CCDC141: variants seen among roughly 807,000 people sequenced by gnomAD.
CCDC141 encodes coiled-coil domain-containing protein 141.
A neutral mutation model predicts 181.0 loss-of-function variants in CCDC141; 168 were observed. The ratio of observed to expected loss-of-function variants is 0.93; its 90% CI spans 0.82 to 1.05. CCDC141 has a LOEUF of 1.05. CCDC141 is among the 50% of genes least tolerant of loss of function. The pLI is 0.00. For synonymous variants in CCDC141, 666 were observed against 642.3 expected (o/e 1.04, Z -0.56); for missense variants, 1,902 against 1,788.5 (o/e 1.06, Z -1.14).
chr2:178,836,972 G>T lies in CCDC141; in HGVS notation c.4247C>A (p.Ser1416Tyr). 6.2e-7 allele frequency: 1 copy of T among 1,613,950 alleles called. No homozygotes were observed. Among genetic ancestry groups the T allele is most frequent in the South Asian group, 1.1e-5 (1 of 91,036 alleles). The change falls in exon 23 of 24, where the codon TCT becomes TAT. Residue 1416 changes from serine to tyrosine, a missense_variant. Coordinates refer to ENST00000443758, the MANE Select transcript of CCDC141 (RefSeq NM_173648.4). ...AGAACCTTCCATGACAGTTACATTAGACAGGAGCCTGGAGAAATTAGGTGC... is the reference window on the plus strand; with the variant it reads ...AGAACCTTCCATGACAGTTACATTATACAGGAGCCTGGAGAAATTAGGTGC... ...DQAPNFSRLL[S>Y]NVTVMEGSPV...
intron 2 of CCDC141, among the ~76,000 whole-genome samples, chr2:179,022,634 T>C (rs2042721790): frequency 6.6e-6 from 1 of 152,242 alleles, no homozygotes; most frequent in Admixed American, 6.5e-5. Context: ...GTGTCTTTCA[T>C]CTGGGGACTT....
At chr2:178,863,497 A>G (rs888304191) in intron 17 of CCDC141, among the ~76,000 whole-genome samples, 1 of 152,242 alleles carries the variant, frequency 6.6e-6, no homozygotes, top group Non-Finnish European at 1.5e-5. Flanking sequence ...ACTAATAATG[A>G]TAACAACGAT....
At chr2:178,894,032 T>C (rs1356536076) in intron 8 of CCDC141, among the ~76,000 whole-genome samples, 1 of 152,082 alleles carries the variant, frequency 6.6e-6, no homozygotes, top group African/African-American at 2.4e-5. Flanking sequence ...CTTCCTGAAA[T>C]CAGTAGCAGA....
Position 178,829,933 on chromosome 2 carries a change from T to C in CCDC141, c.*4240A>G, listed in dbSNP as rs953688173. 5 of 152,246 alleles carry C rather than the reference T, an allele frequency of 3.3e-5. No homozygotes were observed. The highest frequency in any genetic ancestry group is 1.9e-4 in the East Asian group (1 of 5,206). 9.4% of individuals were successfully genotyped at this position (152,246 alleles called of 1,614,324 possible). A position where few individuals can be genotyped will look rare whatever the true frequency, so the allele number is the denominator to read the frequency against. On this transcript the variant is annotated 3_prime_UTR_variant, in exon 24 of 24. Coordinates refer to ENST00000443758, the MANE Select transcript of CCDC141 (RefSeq NM_173648.4). ...ATAAGATATTCTTTCCTTTCTTCAT[T>C]TGGAATTCAAATACTCTTAAGTTCT...
intron 10 of CCDC141, among the ~76,000 whole-genome samples, chr2:178,885,437 C>G (rs1686836649): frequency 6.6e-6 from 1 of 152,152 alleles, no homozygotes; most frequent in South Asian, 2.1e-4. Flanking sequence ...TGAAATTTAA[C>G]AATACCTCCA....
At chr2:178,864,749 T>C (rs1317621792) in intron 17 of CCDC141, among the ~76,000 whole-genome samples, 2 of 152,218 alleles carry the variant, frequency 1.3e-5, no homozygotes, top group Non-Finnish European at 2.9e-5. Context: ...GAGTTATTTA[T>C]ACTTATTTCT....
At chr2:178,867,901 T>C in intron 16 of CCDC141, 125 bp downstream of exon 16, 1 of 724,196 alleles carries the variant, frequency 1.4e-6, no homozygotes, top group Admixed American at 2.9e-5. Flanking sequence ...CACAAATAAC[T>C]ACCCCAATGG....
rs1685811546 is a variant in CCDC141, at chr2:178,865,653, CATT to C, written c.2724+111_2724+113del. On this transcript the variant is annotated intron_variant, in intron 17 of 23. Transcript: ENST00000443758. ...TAAGTGAGAAGAAAGTCTCCTGATT[CATT>C]GTGTGTTTGCATGTGTGTGGGAGTG... The C allele has an allele frequency of 1.3e-5, 13 of 982,172 alleles. No homozygotes were observed. The South Asian group carries it at 5.0e-4, about 38-fold the overall frequency. The allele number at this position is 982,172 out of a possible 1,614,324, so 60.8% of individuals were successfully genotyped here. A position where few individuals can be genotyped will look rare whatever the true frequency, so the allele number is the denominator to read the frequency against.
intron 21 of CCDC141, among the ~76,000 whole-genome samples, chr2:178,849,700 C>A (rs902193184): frequency 1.3e-5 from 2 of 151,966 alleles, no homozygotes; most frequent in Non-Finnish European, 2.9e-5. Context: ...AAAAAAAAAC[C>A]CTGGCATCTA....
chr2:178,869,397 C>T (rs1348596955), intron 14 of CCDC141, 92 bp from the exon 15 acceptor site: 22 of 877,924 alleles, frequency 2.5e-5, no homozygotes, highest in Non-Finnish European at 3.5e-5. Context: ...ATGAATCACT[C>T]TTTCATTTGT....
chr2:179,001,263 A>T (rs2041964807), intron 2 of CCDC141, among the ~76,000 whole-genome samples: 1 of 152,230 alleles, frequency 6.6e-6, no homozygotes, highest in African/African-American at 2.4e-5. Context: ...CATCTCTCAC[A>T]GTATATTTGT....
intron 5 of CCDC141, among the ~76,000 whole-genome samples, chr2:178,959,531 G>T (rs1436267172): frequency 1.3e-5 from 2 of 152,110 alleles, no homozygotes; most frequent in Non-Finnish European, 2.9e-5. Flanking sequence ...GTGTCCTGAG[G>T]ATTAATTTCC....
chr2:178,822,410 TA>T, the CCDC141 span, among the ~76,000 whole-genome samples: 18 of 131,756 alleles, frequency 1.4e-4, 1 homozygote, highest in East Asian at 6.9e-4. Flanking sequence ...GTATAATAAT[TA>T]AAAAAAAAAT....
intron 2 of CCDC141, among the ~76,000 whole-genome samples, chr2:179,035,298 G>T (rs768276451): frequency 1.3e-4 from 20 of 152,026 alleles, no homozygotes; most frequent in Non-Finnish European, 2.4e-4. Flanking sequence ...TCACGTTAGA[G>T]AAACTCAGTT....
intron 2 of CCDC141, among the ~76,000 whole-genome samples, chr2:179,014,791 G>A (rs986392921): frequency 1.3e-5 from 2 of 151,820 alleles, no homozygotes; most frequent in Non-Finnish European, 1.5e-5. Flanking sequence ...GCATGGATGC[G>A]GCAACCAGGG....
chr2:178,957,805 C>A (rs1225613903), intron 5 of CCDC141, among the ~76,000 whole-genome samples: 2 of 152,104 alleles, frequency 1.3e-5, no homozygotes, highest in African/African-American at 4.8e-5. Context: ...TGGCTCACTG[C>A]AGTCTCAACC....
At chr2:179,049,692 AG>A in intron 1 of CCDC141, 147 bp downstream of exon 1, 1 of 712,026 alleles carries the variant, frequency 1.4e-6, no homozygotes, top group Non-Finnish European at 2.2e-6. Flanking sequence ...GGTTTCTCTT[AG>A]TAGCCCATTT....
chr2:178,846,680 T>C (rs1684952927), intron 21 of CCDC141, among the ~76,000 whole-genome samples: 1 of 152,196 alleles, frequency 6.6e-6, no homozygotes, highest in South Asian at 2.1e-4. Flanking sequence ...TGCTAGATTT[T>C]GAATTAGATC....
chr2:179,013,162 G>A (rs1387357501), intron 2 of CCDC141, among the ~76,000 whole-genome samples: 1 of 152,112 alleles, frequency 6.6e-6, no homozygotes, highest in African/African-American at 2.4e-5. Flanking sequence ...AATCAGTAAA[G>A]AGGATGTCAA....
Sources: allele counts gnomAD v4.1 joint callset (sites outside exome capture counted in the v4.1 genomes callset), GRCh38; gene constraint gnomAD v4.1.1; transcripts MANE v1.5; gene names NCBI Gene and HGNC (gene_info 2026-07-23, HGNC 2026-07-21).